MPDZ: variants seen among roughly 807,000 people sequenced by gnomAD.
MPDZ encodes the protein multiple PDZ domain protein.
A neutral mutation model predicts 239.1 loss-of-function variants in MPDZ; 234 were observed. That is an observed-to-expected ratio of 0.98 (90% CI 0.88 to 1.09). The LOEUF is 1.09. Ranked by LOEUF, MPDZ falls within the 50% of genes least tolerant of loss-of-function variation. The pLI is 0.00. For missense variants in MPDZ, 3,175 were observed against 2,510.0 expected (o/e 1.26, Z -5.66); for synonymous variants, 1,048 against 881.3 (o/e 1.19, Z -3.35).
intron 6 of MPDZ, 41 bp downstream of exon 6, chr9:13,222,191 GA>G (rs1959173262): frequency 6.5e-7 from 1 of 1,530,516 alleles, no homozygotes; most frequent in African/African-American, 1.4e-5. Flanking sequence ...AAAACAACTT[GA>G]AAAATACGTT....
chr9:13,189,755 A>G (rs1018397822), intron 16 of MPDZ, among the ~76,000 whole-genome samples: 1 of 152,212 alleles, frequency 6.6e-6, no homozygotes, highest in African/African-American at 2.4e-5. Context: ...ATAAATTAGC[A>G]TTCATGTTAT....
chr9:13,165,229 G>T, intron 22 of MPDZ: 2 of 840,618 alleles, frequency 2.4e-6, no homozygotes, highest in Non-Finnish European at 1.8e-6. Context: ...CTTAAACAAA[G>T]AAAACAATCT....
chr9:13,129,367 G>A (rs1945593041), intron 32 of MPDZ, among the ~76,000 whole-genome samples: 1 of 151,596 alleles, frequency 6.6e-6, no homozygotes, highest in Middle Eastern at 3.4e-3. Context: ...GGAGGCTGAT[G>A]CAGGAGAATC....
chr9:13,219,873 C>T, intron 7 of MPDZ, 105 bp from the exon 8 acceptor site: 1 of 1,050,074 alleles, frequency 9.5e-7, no homozygotes, highest in South Asian at 1.5e-5. Flanking sequence ...ATATGAGTTA[C>T]CAATCAGGAC....
chr9:13,173,968 T>C lies in MPDZ; in HGVS notation c.3055+1784A>G, dbSNP rs528066325. On this transcript the variant is annotated intron_variant, in intron 21 of 46. Coordinates refer to ENST00000319217, the MANE Select transcript of MPDZ (RefSeq NM_001378778.1). ...GCAGTTGTCTCCCATTTATCCTTCC[T>C]TTAGTTCCAACTCTGATTTTGCCAG... Among the ~76,000 whole-genome samples the C allele has an allele frequency of 7.9e-5, 12 of 152,252 alleles. No homozygotes were observed. In the South Asian group the frequency reaches 2.1e-3, roughly 26 times the overall value.
At chr9:13,204,577 T>C (rs574457888) in intron 12 of MPDZ, among the ~76,000 whole-genome samples, 1 of 152,094 alleles carries the variant, frequency 6.6e-6, no homozygotes, top group Non-Finnish European at 1.5e-5. Flanking sequence ...CCCTGAAAAA[T>C]TAAGAAGTGA....
intron 10 of MPDZ, among the ~76,000 whole-genome samples, chr9:13,213,309 T>G (rs1373835846): frequency 6.6e-6 from 1 of 151,962 alleles, no homozygotes; most frequent in Non-Finnish European, 1.5e-5. Flanking sequence ...CAGAACACAA[T>G]GTGTAAAACA....
rs780032796 is a variant in MPDZ at position 13,175,908 on chromosome 9, TG to T, written c.2932-34del. ...AAAGAAAAAGAAGTCACAAGTCACA[TG>T]GAAAGGGAAACTAGACTTTGGAGCG... On this transcript the variant is annotated intron_variant, in intron 20 of 46. Coordinates refer to ENST00000319217, the MANE Select transcript of MPDZ (RefSeq NM_001378778.1). 17 of 1,567,030 alleles carry T rather than the reference TG, an allele frequency of 1.1e-5. No individual in the cohort carries two copies. The South Asian group carries it at 2.1e-4, about 19-fold the overall frequency.
chr9:13,192,193 G>A lies in MPDZ; in HGVS notation c.1906C>T (p.Pro636Ser). Residue 636 changes from proline to serine, a missense_variant, in exon 15 of 47, where the codon CCA becomes TCA. Physicochemically the swap from Pro to Ser is moderately conservative, Grantham distance 74 (BLOSUM62 -1). Coordinates refer to ENST00000319217, the MANE Select transcript of MPDZ (RefSeq NM_001378778.1). ...TCCAATTCTGATTGGGTGGTGGGTG[G>A]CACAGTTCGACGACAGCACACCATT... is the stretch of plus-strand genomic sequence containing the variant. ...VTMVCCRRTVPPTTQSELDSL... is the reference protein window; with the variant it reads ...VTMVCCRRTVSPTTQSELDSL... 1 of 1,610,672 alleles carries A rather than the reference G, an allele frequency of 6.2e-7. No individual in the cohort carries two copies. The highest frequency in any genetic ancestry group is 8.5e-7 in the Non-Finnish European group (1 of 1,178,340).
At chr9:13,164,854 T>C (rs1012301011) in intron 22 of MPDZ, among the ~76,000 whole-genome samples, 21 of 152,104 alleles carry the variant, frequency 1.4e-4, no homozygotes, top group African/African-American at 4.8e-4. Context: ...ACAAGCCTGG[T>C]CACAGGATCA....
chr9:13,212,059 T>C (rs933504952), intron 10 of MPDZ, among the ~76,000 whole-genome samples: 32 of 152,108 alleles, frequency 2.1e-4, no homozygotes, highest in African/African-American at 7.5e-4. Flanking sequence ...CTTTAGGCTG[T>C]TTTTTATCTG....
At chr9:13,159,363 G>C (rs1950197423) in intron 23 of MPDZ, among the ~76,000 whole-genome samples, 1 of 152,108 alleles carries the variant, frequency 6.6e-6, no homozygotes, top group Non-Finnish European at 1.5e-5. Context: ...CTCGAATGAG[G>C]GTAGGGCTCC....
Position 13,186,301 on chromosome 9 carries a change from T to C in MPDZ, c.2450A>G (p.Asp817Gly). The C allele has an allele frequency of 6.3e-7, 1 of 1,593,810 alleles. No homozygotes were observed. Among genetic ancestry groups the C allele is most frequent in the East Asian group, 2.3e-5 (1 of 44,058 alleles). ...CAAGTCAGCCCTGAAGAGGGGTTTG[T>C]CAGCCAGCCCTGCTTCCTCACAGGA... ...PHSCEEAGLA[D>G]KPLFRADLAL... The change falls in exon 18 of 47, where the codon GAC becomes GGC. Residue 817 changes from aspartate (D) to glycine (G), a missense_variant. By Grantham distance (94) the Asp-to-Gly change is moderately conservative. Coordinates refer to ENST00000319217, the MANE Select transcript of MPDZ (RefSeq NM_001378778.1).
At chr9:13,122,899 T>C (rs893550212) in intron 36 of MPDZ, among the ~76,000 whole-genome samples, 4 of 152,172 alleles carry the variant, frequency 2.6e-5, no homozygotes, top group African/African-American at 7.2e-5. Flanking sequence ...GGTGAACTGA[T>C]AGAAACACTT....
chr9:13,250,927 G>C lies in MPDZ; in HGVS notation c.-57-555C>G, dbSNP rs562854404. ...GTGCGTCACTTGAGGTCAGGAGTTC[G>C]AGACCAGCCTGGCCAACATGGTGAA... On this transcript the variant is annotated intron_variant, in intron 1 of 46. Transcript: ENST00000319217. Among the ~76,000 whole-genome samples the C allele has an allele frequency of 1.1e-4, 17 of 151,858 alleles. 1 individual carries two copies. The highest frequency in any genetic ancestry group is 2.1e-4 in the South Asian group (1 of 4,816).
Position 13,224,488 on chromosome 9 carries a change from A to G in MPDZ, c.279T>C (p.Phe93=), listed in dbSNP as rs1179156777. ...GATTCCCATTGTTTGGGGATAATAA[A>G]AACGATTCATTTTGCAGAGTAGGAA... ...AVIPTLQNES[F]LLSPNNGNLE... Residue 93 remains phenylalanine, a synonymous_variant, in exon 4 of 47, where the codon TTT becomes TTC. Transcript: ENST00000319217. 1.2e-6 allele frequency: 2 copies of G among 1,612,914 alleles called. No homozygotes were observed. Among genetic ancestry groups the G allele is most frequent in the Non-Finnish European group, 1.7e-6 (2 of 1,179,258 alleles).
At chr9:13,195,196 G>A (rs746281291) in intron 13 of MPDZ, among the ~76,000 whole-genome samples, 4 of 152,096 alleles carry the variant, frequency 2.6e-5, no homozygotes, top group African/African-American at 9.7e-5. Flanking sequence ...GCTGAGGCAG[G>A]AGAAAAGTTT....
chr9:13,263,441 A>C (rs1014928754), intron 1 of MPDZ, among the ~76,000 whole-genome samples: 1 of 151,846 alleles, frequency 6.6e-6, no homozygotes, highest in East Asian at 1.9e-4. Flanking sequence ...ATACTAACTT[A>C]TTCGGGAAAA....
chr9:13,152,683 A>C (rs1018971484), intron 24 of MPDZ, among the ~76,000 whole-genome samples: 2 of 149,328 alleles, frequency 1.3e-5, no homozygotes, highest in Non-Finnish European at 3.0e-5. Flanking sequence ...TCCTCTCTCC[A>C]CTCTAGCTAC....
Sources: gnomAD v4.1 joint callset for allele counts (sites outside exome capture counted in the v4.1 genomes callset) on GRCh38, gnomAD v4.1.1 for gene constraint, MANE v1.5 for transcripts, NCBI Gene and HGNC (gene_info 2026-07-23, HGNC 2026-07-21) for gene names.